The following TMEM120B variants were observed in gnomAD, a reference collection of about 807,000 sequenced individuals.
The protein encoded by TMEM120B is transmembrane protein 120B.
TMEM120B carries 31 observed loss-of-function variants against 55.5 expected under a neutral mutation model. That is an observed-to-expected ratio of 0.56 (90% CI 0.42 to 0.75). The LOEUF (loss-of-function observed/expected upper bound fraction) is 0.75. Ranked by LOEUF, TMEM120B falls within the 30% of genes least tolerant of loss-of-function variation. TMEM120B has a pLI of 0.00. For synonymous variants in TMEM120B, 203 were observed against 176.3 expected, an observed-to-expected ratio of 1.15 and a Z score of -1.20; for missense variants, 399 against 425.5, an observed-to-expected ratio of 0.94 and a Z score of 0.55.
intron 1 of TMEM120B, among the ~76,000 whole-genome samples, chr12:121,717,661 CTT>C (rs1894723974): frequency 2.0e-5 from 3 of 152,122 alleles, no homozygotes; most frequent in Non-Finnish European, 4.4e-5. Flanking sequence ...GGGCGTCTTT[CTT>C]TCTTTTTTAT....
chr12:121,765,077 T>C (rs1381735798), intron 6 of TMEM120B, among the ~76,000 whole-genome samples: 2 of 151,784 alleles, frequency 1.3e-5, no homozygotes, highest in Non-Finnish European at 2.9e-5. Flanking sequence ...TAACTTACAC[T>C]CTGCCTCCTG....
Position 121,779,566 on chromosome 12 carries a change from T to C in TMEM120B, c.*3844T>C, listed in dbSNP as rs1874367431. 4 of 1,614,012 alleles carry C rather than the reference T, an allele frequency of 2.5e-6. No individual in the cohort carries two copies. The highest frequency in any genetic ancestry group is 2.2e-5 in the East Asian group (1 of 44,896). On this transcript the variant is annotated 3_prime_UTR_variant, in exon 12 of 12. Coordinates refer to ENST00000449592, the MANE Select transcript of TMEM120B (RefSeq NM_001080825.2). ...TTCTTCAGAGCGCTGAGAGCCACCT[T>C]GGCGGCCTCCCGGAAGACGTCCTCC...
intron 1 of TMEM120B, among the ~76,000 whole-genome samples, chr12:121,722,620 T>A (rs1391472240): frequency 6.6e-6 from 1 of 152,164 alleles, no homozygotes; most frequent in African/African-American, 2.4e-5. Context: ...ATGTACAATG[T>A]GGCACTTGCA....
intron 6 of TMEM120B, among the ~76,000 whole-genome samples, chr12:121,762,148 C>T (rs1223629834): frequency 3.3e-5 from 5 of 151,716 alleles, no homozygotes; most frequent in East Asian, 3.9e-4. Flanking sequence ...AAAAATTAGC[C>T]GGGTGTGGTC....
Position 121,775,031 on chromosome 12 carries a change from G to C in TMEM120B, c.838-31G>C, listed in dbSNP as rs1448633511. 6.2e-7 allele frequency: 1 copy of C among 1,612,668 alleles called. No homozygotes were observed. The highest frequency in any genetic ancestry group is 8.5e-7 in the Non-Finnish European group (1 of 1,179,510). Reference sequence around the variant, plus strand: ...CTACGTGGCCGGCCAGGGGAGTCTGGTGGGTGAGCAGCGCCTGCCTTCCTC... The same window carrying C: ...CTACGTGGCCGGCCAGGGGAGTCTGCTGGGTGAGCAGCGCCTGCCTTCCTC... On this transcript the variant is annotated intron_variant, in intron 10 of 11. Transcript: ENST00000449592. The surrounding 1 kb of genome is among the most constrained non-coding windows in gnomAD (Gnocchi z 4.3).
chr12:121,730,307 A>G (rs977245863), intron 1 of TMEM120B, among the ~76,000 whole-genome samples: 1 of 151,186 alleles, frequency 6.6e-6, no homozygotes, highest in Non-Finnish European at 1.5e-5. Context: ...GATACAGGTG[A>G]GCCTGGAGCA....
At chr12:121,735,146 A>G (rs1895082504) in intron 1 of TMEM120B, among the ~76,000 whole-genome samples, 1 of 144,644 alleles carries the variant, frequency 6.9e-6, no homozygotes. Context: ...AGATCGCACC[A>G]GTGCACTCTA....
intron 9 of TMEM120B, among the ~76,000 whole-genome samples, chr12:121,774,420 G>A (rs1323086127): frequency 1.3e-5 from 2 of 152,238 alleles, no homozygotes; most frequent in Non-Finnish European, 2.9e-5. Context: ...CAGTGTCTGT[G>A]TGTTGTCACC....
intron 1 of TMEM120B, among the ~76,000 whole-genome samples, chr12:121,726,892 A>C (rs1368863199): frequency 8.5e-6 from 1 of 118,300 alleles, no homozygotes; most frequent in Non-Finnish European, 1.7e-5. Flanking sequence ...TGGGCAACAG[A>C]GTGGGACTCT....
At chr12:121,714,723 A>G (rs1376570637) in intron 1 of TMEM120B, among the ~76,000 whole-genome samples, 1 of 150,610 alleles carries the variant, frequency 6.6e-6, no homozygotes, top group Non-Finnish European at 1.5e-5. Flanking sequence ...CACCATGCCC[A>G]GCTAATTTTT....
intron 6 of TMEM120B, among the ~76,000 whole-genome samples, chr12:121,762,858 C>G (rs1873724239): frequency 6.6e-6 from 1 of 152,172 alleles, no homozygotes; most frequent in Admixed American, 6.6e-5. Flanking sequence ...CACTGAGCAG[C>G]CCTGTGACCC....
chr12:121,727,343 C>T (rs1894914365), intron 1 of TMEM120B, among the ~76,000 whole-genome samples: 1 of 151,402 alleles, frequency 6.6e-6, no homozygotes, highest in Non-Finnish European at 1.5e-5. Flanking sequence ...TGAGACCAGC[C>T]TGGGCAGCAT....
chr12:121,765,060 T>C (rs182774333), intron 6 of TMEM120B, among the ~76,000 whole-genome samples: 60 of 152,074 alleles, frequency 3.9e-4, no homozygotes, highest in African/African-American at 1.4e-3. Flanking sequence ...AACTAAGGAC[T>C]CCAAGATAAC....
At chr12:121,717,228 A>G (rs533660546) in intron 1 of TMEM120B, among the ~76,000 whole-genome samples, 1 of 152,290 alleles carries the variant, frequency 6.6e-6, no homozygotes, top group South Asian at 2.1e-4. Flanking sequence ...CCTGCCTTGC[A>G]TCACTGGAAA....
At chr12:121,750,304 A>C (rs1873234952) in intron 3 of TMEM120B, 76 bp from the exon 4 acceptor site, 14 of 1,364,720 alleles carry the variant, frequency 1.0e-5, no homozygotes. Context: ...GTGCTCATTA[A>C]GTGTGTTGAG....
At chr12:121,725,692 CA>C (rs1308460849) in intron 1 of TMEM120B, among the ~76,000 whole-genome samples, 16 of 152,076 alleles carry the variant, frequency 1.1e-4, no homozygotes, top group African/African-American at 2.9e-4. Context: ...AAGCCAGATG[CA>C]AAAACCCCAT....
chr12:121,743,418 C>T (rs929337804), intron 1 of TMEM120B, among the ~76,000 whole-genome samples: 14 of 151,202 alleles, frequency 9.3e-5, no homozygotes, highest in African/African-American at 2.4e-4. Flanking sequence ...ATTAGCTGGG[C>T]GTAGTTGTGG....
intron 1 of TMEM120B, among the ~76,000 whole-genome samples, chr12:121,740,357 G>A (rs146384883): frequency 1.3e-5 from 2 of 151,816 alleles, no homozygotes; most frequent in African/African-American, 4.8e-5. Context: ...GGTGGTGCAT[G>A]CCTGTAATCC....
chr12:121,746,468 T>C (rs974181341), intron 2 of TMEM120B, among the ~76,000 whole-genome samples: 1 of 152,112 alleles, frequency 6.6e-6, no homozygotes, highest in Non-Finnish European at 1.5e-5. Context: ...ATTACAGGCT[T>C]GAGCCACTGC....
Sources: gnomAD v4.1 joint callset for allele counts (sites outside exome capture counted in the v4.1 genomes callset) on GRCh38, gnomAD v4.1.1 for gene constraint, Gnocchi (gnomAD v3.1) non-coding constraint, MANE v1.5 for transcripts, NCBI Gene and HGNC (gene_info 2026-07-23, HGNC 2026-07-21) for gene names.